GABRG3: variants seen among roughly 807,000 people sequenced by gnomAD.
GABRG3 encodes gamma-aminobutyric acid receptor subunit gamma-3.
Under a neutral mutation model 48.8 loss-of-function variants are expected in GABRG3, and 25 were observed. That is an observed-to-expected ratio of 0.51 (90% confidence interval 0.37 to 0.72). GABRG3 has a LOEUF of 0.72. Among genes scored for constraint, GABRG3 ranks in the 30% least tolerant of loss-of-function variants. The pLI is 0.00. For synonymous variants in GABRG3, 227 were observed against 217.6 expected, an observed-to-expected ratio of 1.04 and a Z score of -0.38; for missense variants, 394 against 577.9, an observed-to-expected ratio of 0.68 and a Z score of 3.26.
At chr15:27,427,085 C>T (rs1888314677) in intron 5 of GABRG3, among the ~76,000 whole-genome samples, 1 of 152,098 alleles carries the variant, frequency 6.6e-6, no homozygotes, top group South Asian at 2.1e-4. Context: ...GGGAAATGAT[C>T]CAAATGTGCG....
intron 3 of GABRG3, among the ~76,000 whole-genome samples, chr15:27,060,375 G>A (rs915167735): frequency 1.3e-5 from 2 of 152,200 alleles, no homozygotes; most frequent in Non-Finnish European, 1.5e-5. Context: ...CAAAGATGTG[G>A]CATGCTGCTC....
At chr15:27,025,743 C>A (rs576869886) in intron 2 of GABRG3, among the ~76,000 whole-genome samples, 1 of 152,304 alleles carries the variant, frequency 6.6e-6, no homozygotes, top group South Asian at 2.1e-4. Flanking sequence ...TTCTTCAGCA[C>A]AATTGAAGGA....
At chr15:27,061,586 G>A (rs183980352) in intron 3 of GABRG3, among the ~76,000 whole-genome samples, 3 of 151,818 alleles carry the variant, frequency 2.0e-5, no homozygotes, top group South Asian at 2.1e-4. Flanking sequence ...TGATGTTCCC[G>A]CATGCCAGTC....
At chr15:27,391,021 G>A (rs1353918423) in intron 5 of GABRG3, among the ~76,000 whole-genome samples, 1 of 151,934 alleles carries the variant, frequency 6.6e-6, no homozygotes, top group Non-Finnish European at 1.5e-5. Context: ...CCAGGAGACA[G>A]GAGTTGCGGT....
intron 2 of GABRG3, among the ~76,000 whole-genome samples, chr15:26,999,346 T>G (rs894518895): frequency 2.6e-5 from 4 of 152,120 alleles, no homozygotes; most frequent in Admixed American, 2.6e-4. Context: ...GATTTTGATA[T>G]AGACAGAATA....
intron 3 of GABRG3, among the ~76,000 whole-genome samples, chr15:27,306,001 T>C (rs1193926913): frequency 1.7e-5 from 1 of 58,758 alleles, no homozygotes; most frequent in Admixed American, 2.7e-4. Context: ...TGTTTATATA[T>C]AAACATATAT....
At chr15:27,067,857 C>G (rs1420403855) in intron 3 of GABRG3, among the ~76,000 whole-genome samples, 1 of 152,162 alleles carries the variant, frequency 6.6e-6, no homozygotes, top group African/African-American at 2.4e-5. Context: ...ATCAGGAGAT[C>G]TAACAGCTTT....
intron 5 of GABRG3, among the ~76,000 whole-genome samples, chr15:27,442,272 A>C (rs1245082373): frequency 6.6e-6 from 1 of 152,152 alleles, no homozygotes; most frequent in Non-Finnish European, 1.5e-5. Flanking sequence ...GCTCCCCTTC[A>C]TCTGAAGTGG....
chr15:27,201,297 G>A (rs1298470917), intron 3 of GABRG3, among the ~76,000 whole-genome samples: 1 of 151,530 alleles, frequency 6.6e-6, no homozygotes, highest in Non-Finnish European at 1.5e-5. Flanking sequence ...AACACAGGGA[G>A]GTTGGTGGAC....
intron 3 of GABRG3, among the ~76,000 whole-genome samples, chr15:27,140,555 TA>T (rs1465765207): frequency 6.6e-6 from 1 of 152,232 alleles, no homozygotes; most frequent in Non-Finnish European, 1.5e-5. Flanking sequence ...GACCATCAGC[TA>T]ATATTCTGTT....
intron 7 of GABRG3, among the ~76,000 whole-genome samples, chr15:27,521,772 A>C (rs1483008681): frequency 6.6e-6 from 1 of 152,060 alleles, no homozygotes; most frequent in African/African-American, 2.4e-5. Flanking sequence ...ATAAAAGTTT[A>C]TATAAAATTG....
intron 3 of GABRG3, among the ~76,000 whole-genome samples, chr15:27,220,991 C>CT (rs72305305): frequency 0.034 from 5,054 of 149,080 alleles, 253 homozygotes; most frequent in African/African-American, 0.11. Context: ...GGAATTGCTT[C>CT]TTTTTTTTTT....
At chr15:27,406,719 C>T (rs183757015) in intron 5 of GABRG3, among the ~76,000 whole-genome samples, 5 of 152,176 alleles carry the variant, frequency 3.3e-5, no homozygotes, top group East Asian at 1.9e-4. Flanking sequence ...AATTCTGGAA[C>T]GTCAAGAGGG....
intron 3 of GABRG3, among the ~76,000 whole-genome samples, chr15:27,169,514 G>A (rs756301915): frequency 6.6e-5 from 10 of 152,150 alleles, no homozygotes; most frequent in Non-Finnish European, 1.2e-4. Flanking sequence ...GAAAGCTATG[G>A]GAACCATCTG....
chr15:27,083,755 A>T (rs1897029326), intron 3 of GABRG3, among the ~76,000 whole-genome samples: 1 of 152,224 alleles, frequency 6.6e-6, no homozygotes, highest in Non-Finnish European at 1.5e-5. Flanking sequence ...ACAGTGTCAC[A>T]AAGCCCCAGG....
intron 3 of GABRG3, among the ~76,000 whole-genome samples, chr15:27,237,451 A>G (rs1890008114): frequency 6.6e-6 from 1 of 152,220 alleles, no homozygotes; most frequent in Non-Finnish European, 1.5e-5. Flanking sequence ...AGCTGTGAAG[A>G]GGCTGAGCTG....
chr15:27,133,451 C>T (rs542064760), intron 3 of GABRG3, among the ~76,000 whole-genome samples: 175 of 152,268 alleles, frequency 1.1e-3, no homozygotes, highest in Non-Finnish European at 2.1e-3. Context: ...TTCCTGTAGC[C>T]ATTGCCCAAG....
At position 27,536,645 on chromosome 15, in the gene GABRG3, T is replaced by A. The variant is rs1891552632; in HGVS notation, c.*3764T>A. On this transcript the variant is annotated 3_prime_UTR_variant, in exon 10 of 10. Transcript: ENST00000615808. Reference sequence around the variant, plus strand: ...GGGAAATTGGGGCCAATCTAAAATGTCAGCAACACAGTCCTGATGGGGATG... The same window carrying A: ...GGGAAATTGGGGCCAATCTAAAATGACAGCAACACAGTCCTGATGGGGATG... 6.6e-6 allele frequency: 1 copy of A among 151,582 alleles called. No homozygotes were observed. Among genetic ancestry groups the A allele is most frequent in the Non-Finnish European group, 1.5e-5 (1 of 68,028 alleles). 9.4% of individuals were successfully genotyped at this position (151,582 alleles called of 1,614,324 possible).
chr15:27,440,179 C>T (rs1888741051), intron 5 of GABRG3, among the ~76,000 whole-genome samples: 1 of 152,184 alleles, frequency 6.6e-6, no homozygotes, highest in Non-Finnish European at 1.5e-5. Flanking sequence ...CTGGGCTTTC[C>T]CTGACAGGGC....
Sources: allele counts gnomAD v4.1 joint callset (sites outside exome capture counted in the v4.1 genomes callset), GRCh38; gene constraint gnomAD v4.1.1; transcripts MANE v1.5; gene names NCBI Gene and HGNC (gene_info 2026-07-23, HGNC 2026-07-21).